NCOA2: variants seen among roughly 807,000 people sequenced by gnomAD.
NCOA2 encodes the protein class E basic helix-loop-helix protein 75.
A neutral mutation model predicts 145.1 loss-of-function variants in NCOA2; 21 were observed. The observed-to-expected ratio is 0.14, with a 90% CI of 0.10 to 0.21. The LOEUF (loss-of-function observed/expected upper bound fraction) is 0.21. Ranked by LOEUF, NCOA2 falls within the 10% of genes least tolerant of loss-of-function variation. The pLI is 1.00. For synonymous variants in NCOA2, 619 were observed against 637.5 expected, an observed-to-expected ratio of 0.97 and a Z score of 0.44; for missense variants, 1,472 against 1,837.6, an observed-to-expected ratio of 0.80 and a Z score of 3.64.
the NCOA2 span, among the ~76,000 whole-genome samples, chr8:70,436,576 A>G: frequency 6.6e-6 from 1 of 152,204 alleles, no homozygotes; most frequent in African/African-American, 2.4e-5. Context: ...TTTGCCACAC[A>G]TTTCATAGTT....
intron 1 of NCOA2, among the ~76,000 whole-genome samples, chr8:70,313,977 T>C (rs1805335455): frequency 6.6e-6 from 1 of 151,818 alleles, no homozygotes; most frequent in Admixed American, 6.6e-5. Flanking sequence ...AAGACCATCC[T>C]GGCTACGGTG....
the NCOA2 span, among the ~76,000 whole-genome samples, chr8:70,421,952 A>G: frequency 3.3e-5 from 5 of 151,962 alleles, no homozygotes; most frequent in Non-Finnish European, 7.4e-5. Flanking sequence ...AAAATTAGTC[A>G]GGTGTGGTGG....
At chr8:70,443,743 T>A in the NCOA2 span, among the ~76,000 whole-genome samples, 25 of 151,464 alleles carry the variant, frequency 1.7e-4, no homozygotes, top group Admixed American at 8.6e-4. Flanking sequence ...TAAAAAAAAC[T>A]TTTTTTTTGG....
At chr8:70,180,302 A>G (rs1269851725) in intron 4 of NCOA2, among the ~76,000 whole-genome samples, 1 of 152,216 alleles carries the variant, frequency 6.6e-6, no homozygotes, top group Non-Finnish European at 1.5e-5. Flanking sequence ...GGATGCCTCT[A>G]TAATTTTTCT....
At chr8:70,304,666 GT>G (rs796950895) in intron 1 of NCOA2, among the ~76,000 whole-genome samples, 9 of 145,394 alleles carry the variant, frequency 6.2e-5, no homozygotes, top group Non-Finnish European at 1.1e-4. Context: ...TTGTTTTTTT[GT>G]TTTTTTTTTA....
At chr8:70,311,023 G>T (rs1389561239) in intron 1 of NCOA2, among the ~76,000 whole-genome samples, 2 of 151,944 alleles carry the variant, frequency 1.3e-5, no homozygotes, top group African/African-American at 2.4e-5. Context: ...TTAGGCAAAA[G>T]ACCGTAGTAT....
chr8:70,131,526 T>C (rs1436624100), intron 16 of NCOA2, among the ~76,000 whole-genome samples: 2 of 152,180 alleles, frequency 1.3e-5, no homozygotes. Context: ...TGTTTGTGGT[T>C]TCTCTGTATC....
At chr8:70,199,248 G>A (rs1817647429) in intron 4 of NCOA2, among the ~76,000 whole-genome samples, 1 of 151,908 alleles carries the variant, frequency 6.6e-6, no homozygotes, top group African/African-American at 2.4e-5. Flanking sequence ...AGGAGTTCGA[G>A]GCCAGCCTGG....
At chr8:70,410,807 T>C in the NCOA2 span, among the ~76,000 whole-genome samples, 1 of 152,206 alleles carries the variant, frequency 6.6e-6, no homozygotes, top group African/African-American at 2.4e-5. Context: ...GTCGTACGGG[T>C]GCATTCTGTA....
chr8:70,322,750 T>C (rs533974677), intron 1 of NCOA2, among the ~76,000 whole-genome samples: 2 of 152,290 alleles, frequency 1.3e-5, no homozygotes, highest in South Asian at 4.1e-4. Flanking sequence ...GTAAAGTACC[T>C]AGGAAAGGGT....
chr8:70,335,459 C>G (rs544420448), intron 1 of NCOA2, among the ~76,000 whole-genome samples: 54 of 152,284 alleles, frequency 3.5e-4, no homozygotes, highest in South Asian at 1.0e-3. Context: ...ACACACATAA[C>G]AAAAATTTGC....
chr8:70,146,173 A>G (rs763563854), intron 12 of NCOA2, among the ~76,000 whole-genome samples: 2 of 152,218 alleles, frequency 1.3e-5, no homozygotes, highest in Non-Finnish European at 2.9e-5. Context: ...TAAAAATTTT[A>G]AGTGTGAACT....
intron 1 of NCOA2, among the ~76,000 whole-genome samples, chr8:70,365,402 T>C (rs920439758): frequency 6.6e-6 from 1 of 152,134 alleles, no homozygotes; most frequent in Non-Finnish European, 1.5e-5. Flanking sequence ...ATAAATAATA[T>C]GCCCAGAGAA....
chr8:70,326,930 T>A (rs1053987898), intron 1 of NCOA2, among the ~76,000 whole-genome samples: 1 of 152,218 alleles, frequency 6.6e-6, no homozygotes, highest in African/African-American at 2.4e-5. Context: ...TTCTAATACA[T>A]AACTTATCTC....
the NCOA2 span, among the ~76,000 whole-genome samples, chr8:70,456,244 C>T: frequency 6.6e-6 from 1 of 152,206 alleles, no homozygotes; most frequent in East Asian, 1.9e-4. Flanking sequence ...CACGTCTAAA[C>T]TTCGAGGAAC....
intron 2 of NCOA2, among the ~76,000 whole-genome samples, chr8:70,282,542 G>A (rs918792788): frequency 1.2e-4 from 19 of 152,082 alleles, no homozygotes; most frequent in African/African-American, 4.1e-4. Flanking sequence ...AAAAAAATTA[G>A]CCAGGCATTG....
At chr8:70,174,950 T>C (rs1814660191) in intron 4 of NCOA2, 91 bp from the exon 5 acceptor site, 1 of 1,181,240 alleles carries the variant, frequency 8.5e-7, no homozygotes, top group Non-Finnish European at 1.2e-6. Flanking sequence ...TTTTTAAAAA[T>C]CTCTAGTGGG....
intron 1 of NCOA2, among the ~76,000 whole-genome samples, chr8:70,349,606 C>T (rs1424017946): frequency 6.6e-6 from 1 of 152,040 alleles, no homozygotes; most frequent in African/African-American, 2.4e-5. Context: ...GAGTGGTCTC[C>T]AGTCACAACC....
intron 1 of NCOA2, among the ~76,000 whole-genome samples, chr8:70,304,327 C>T (rs1827717911): frequency 6.6e-6 from 1 of 152,300 alleles, no homozygotes; most frequent in East Asian, 1.9e-4. Context: ...TAACATGCTA[C>T]ACAGGTTTGT....
Sources: gnomAD v4.1 joint callset for allele counts (sites outside exome capture counted in the v4.1 genomes callset) on GRCh38, gnomAD v4.1.1 for gene constraint, MANE v1.5 for transcripts, NCBI Gene and HGNC (gene_info 2026-07-23, HGNC 2026-07-21) for gene names.